The following TMEM70 variants were observed in gnomAD, a reference collection of about 807,000 sequenced individuals.
The protein encoded by TMEM70 is transmembrane protein 70, mitochondrial.
TMEM70 carries 15 observed loss-of-function variants against 20.5 expected under a neutral mutation model. The observed-to-expected ratio is 0.73, with a 90% CI of 0.49 to 1.13. The LOEUF is 1.13. TMEM70 is among the 50% of genes most tolerant of loss of function. The pLI is 0.00. For synonymous variants in TMEM70, 141 were observed against 134.2 expected (o/e 1.05, Z -0.35); for missense variants, 344 against 331.7 (o/e 1.04, Z -0.29).
rs1364312202 is a variant in TMEM70 at position 73,981,601 on chromosome 8, C to T, written c.763C>T (p.Arg255Trp). ...TATGGAAGAAACCAGTGAAGAGAAA[C>T]GGCATAAAGATGACAAATGAGCCTA... Reference protein sequence around the residue: ...LYMEETSEEKRHKDDK With the variant: ...LYMEETSEEKWHKDDK The change falls in exon 3 of 3, where the codon CGG becomes TGG. Residue 255 changes from arginine to tryptophan, a missense_variant. Physicochemically the swap from Arg to Trp is moderately radical, Grantham distance 101. Transcript: ENST00000312184. 22 of 1,608,246 alleles carry T rather than the reference C, an allele frequency of 1.4e-5. No homozygotes were observed. Among genetic ancestry groups the T allele is most frequent in the Admixed American group, 1.0e-4 (6 of 59,982 alleles).
chr8:73,981,849 C>G lies in TMEM70; in HGVS notation c.*228C>G. ...AGAAAGGTATGTGAATAAATATGTT[C>G]ATGCTAGTATAAGAGTTCTGTGTTA... is the stretch of plus-strand genomic sequence containing the variant. On this transcript the variant is annotated 3_prime_UTR_variant, in exon 3 of 3. Transcript: ENST00000312184. 3.2e-6 allele frequency: 2 copies of G among 629,680 alleles called. No homozygotes were observed. Among genetic ancestry groups the G allele is most frequent in the Non-Finnish European group, 5.9e-6 (2 of 341,534 alleles). The allele number at this position is 629,680 out of a possible 1,614,324, so 39.0% of individuals were successfully genotyped here.
rs551909751 is a variant in TMEM70, at chr8:73,982,193, T to A, written c.*572T>A. 34 of 553,344 alleles carry A rather than the reference T, an allele frequency of 6.1e-5. No individual in the cohort carries two copies. The highest frequency in any genetic ancestry group is 4.5e-4 in the African/African-American group (24 of 53,520). 34.3% of individuals were successfully genotyped at this position (553,344 alleles called of 1,614,324 possible). A position where few individuals can be genotyped will look rare whatever the true frequency, so the allele number is the denominator to read the frequency against. On this transcript the variant is annotated 3_prime_UTR_variant, in exon 3 of 3. Coordinates refer to ENST00000312184, the MANE Select transcript of TMEM70 (RefSeq NM_017866.6). ...TGGCAATTCACCGAATTCATATCAC[T>A]CTAACGAGTTGCAACGTAAAATCCC...
intron 2 of TMEM70, 140 bp from the exon 3 acceptor site, chr8:73,981,015 A>C: frequency 1.4e-6 from 1 of 720,616 alleles, no homozygotes; most frequent in Non-Finnish European, 2.3e-6. Context: ...AGCTTAGAAT[A>C]TAATAAGCAC....
chr8:73,979,365 C>T (rs575777169), intron 2 of TMEM70, among the ~76,000 whole-genome samples: 31 of 152,216 alleles, frequency 2.0e-4, no homozygotes, highest in African/African-American at 7.2e-4. Context: ...GGTAACTTCC[C>T]CTCATTGCTT....
chr8:73,981,096 A>G (rs946429758), intron 2 of TMEM70, 59 bp from the exon 3 acceptor site: 2 of 1,384,664 alleles, frequency 1.4e-6, no homozygotes, highest in Admixed American at 3.5e-5. Flanking sequence ...TTAGTGGGAT[A>G]GATTGATTCT....
Position 73,976,277 on chromosome 8 carries a change from G to C in TMEM70, c.-5G>C. ...GGGCGTCCGCAGCCGCTCGTCACCC[G>C]CGTGATGCTGTTTCTGGCGTTGGGC... On this transcript the variant is annotated 5_prime_UTR_variant, in exon 1 of 3. Transcript: ENST00000312184. The C allele has an allele frequency of 6.3e-7, 1 of 1,599,562 alleles. No individual in the cohort carries two copies. The highest frequency in any genetic ancestry group is 8.5e-7 in the Non-Finnish European group (1 of 1,179,240).
intron 1 of TMEM70, among the ~76,000 whole-genome samples, chr8:73,977,867 G>C (rs1815690961): frequency 6.6e-6 from 1 of 152,104 alleles, no homozygotes; most frequent in South Asian, 2.1e-4. Flanking sequence ...ATTAACAGTG[G>C]AGTAGAAGAA....
chr8:73,981,007 C>T lies in TMEM70; in HGVS notation c.317-148C>T, dbSNP rs1815777579. The T allele has an allele frequency of 4.0e-5, 28 of 698,982 alleles. No homozygotes were observed. In the South Asian group the frequency reaches 5.1e-4, roughly 13 times the overall value. The allele number at this position is 698,982 out of a possible 1,614,324, so 43.3% of individuals were successfully genotyped here. A position where few individuals can be genotyped will look rare whatever the true frequency, so the allele number is the denominator to read the frequency against. ...AATATGTAAAGTCCTTAAAACAGAG[C>T]TTAGAATATAATAAGCACTGTATTT... On this transcript the variant is annotated intron_variant, in intron 2 of 2. Coordinates refer to ENST00000312184, the MANE Select transcript of TMEM70 (RefSeq NM_017866.6).
intron 2 of TMEM70, among the ~76,000 whole-genome samples, chr8:73,980,339 A>G (rs370429284): frequency 6.6e-6 from 1 of 150,700 alleles, no homozygotes; most frequent in South Asian, 2.1e-4. Context: ...GTCTTTCCTT[A>G]CTAAAGAAAT....
chr8:73,977,006 C>A (rs1815668226), intron 1 of TMEM70, among the ~76,000 whole-genome samples: 1 of 152,084 alleles, frequency 6.6e-6, no homozygotes, highest in Non-Finnish European at 1.5e-5. Context: ...ATTGGCAAAC[C>A]TGGTTAAAAC....
intron 2 of TMEM70, among the ~76,000 whole-genome samples, chr8:73,979,570 T>C (rs1474372750): frequency 6.6e-6 from 1 of 152,196 alleles, no homozygotes; most frequent in Non-Finnish European, 1.5e-5. Flanking sequence ...TTTTTCACTT[T>C]AATCATTTTG....
chr8:73,982,723 C>G lies in TMEM70; in HGVS notation c.*1102C>G, dbSNP rs1213799234. 1 of 455,696 alleles carries G rather than the reference C, an allele frequency of 2.2e-6. No homozygotes were observed. Among genetic ancestry groups the G allele is most frequent in the Non-Finnish European group, 4.4e-6 (1 of 227,808 alleles). 28.2% of individuals were successfully genotyped at this position (455,696 alleles called of 1,614,324 possible). ...TAATTTGTTTCTGCAACTGTGCACT[C>G]CTCCCTTGGTGGCACCCTATGGGTG... On this transcript the variant is annotated 3_prime_UTR_variant, in exon 3 of 3. Transcript: ENST00000312184.
rs8075 is a variant in TMEM70, at chr8:73,976,381, G to A, written c.100G>A (p.Ala34Thr). ...GGCCGCCGCGCTCCGAGGTCCCCGG[G>A]CCTCTGTCTCCCGGGCGTCCTCCAG... ...CAAAALRGPR[A>T]SVSRASSSSG... The change falls in exon 1 of 3, where the codon GCC becomes ACC. Residue 34 changes from alanine to threonine, a missense_variant. By Grantham distance (58) the Ala-to-Thr change is moderately conservative. Transcript: ENST00000312184. 1 of 1,595,036 alleles carries A rather than the reference G, an allele frequency of 6.3e-7. No individual in the cohort carries two copies. The highest frequency in any genetic ancestry group is 1.7e-5 in the Admixed American group (1 of 59,230).
intron 2 of TMEM70, 119 bp downstream of exon 2, chr8:73,978,980 T>C (rs1815723101): frequency 1.5e-6 from 2 of 1,295,648 alleles, no homozygotes; most frequent in Non-Finnish European, 2.2e-6. Context: ...TAAGGAAAAT[T>C]AGATTTTCAT....
intron 1 of TMEM70, among the ~76,000 whole-genome samples, chr8:73,977,879 C>T (rs1563697922): frequency 6.6e-6 from 1 of 152,118 alleles, no homozygotes; most frequent in Non-Finnish European, 1.5e-5. Flanking sequence ...GTAGAAGAAA[C>T]TGTTACTATT....
rs576438088 is a variant in TMEM70 at position 73,977,954 on chromosome 8, C to T, written c.211-802C>T. Among the ~76,000 whole-genome samples the T allele has an allele frequency of 1.4e-4, 22 of 152,324 alleles. No individual in the cohort carries two copies. The South Asian group carries it at 4.4e-3, about 30-fold the overall frequency. ...AGCTGGGATGCTAAGCTAACAAACTCCAGCTCTGCAGTTTTCTACTTGTGA... is the reference window on the plus strand; with the variant it reads ...AGCTGGGATGCTAAGCTAACAAACTTCAGCTCTGCAGTTTTCTACTTGTGA... On this transcript the variant is annotated intron_variant, in intron 1 of 2. Transcript: ENST00000312184.
At chr8:73,978,266 T>C (rs1815701839) in intron 1 of TMEM70, among the ~76,000 whole-genome samples, 1 of 151,762 alleles carries the variant, frequency 6.6e-6, no homozygotes, top group Non-Finnish European at 1.5e-5. Flanking sequence ...TTTGCATTTT[T>C]AGTAGAGACG....
chr8:73,977,310 T>TA (rs772218917), intron 1 of TMEM70, among the ~76,000 whole-genome samples: 4 of 151,934 alleles, frequency 2.6e-5, no homozygotes, highest in Admixed American at 6.6e-5. Flanking sequence ...GCCTCCCCAG[T>TA]AGTTGGGATT....
intron 1 of TMEM70, among the ~76,000 whole-genome samples, chr8:73,977,394 G>C (rs1474975408): frequency 6.6e-6 from 1 of 151,860 alleles, no homozygotes; most frequent in Non-Finnish European, 1.5e-5. Context: ...CACCGTGTTG[G>C]CCAGGCTCGT....
Sources: gnomAD v4.1 joint callset for allele counts (sites outside exome capture counted in the v4.1 genomes callset) on GRCh38, gnomAD v4.1.1 for gene constraint, MANE v1.5 for transcripts, NCBI Gene and HGNC (gene_info 2026-07-23, HGNC 2026-07-21) for gene names.